COQ10B: variants seen among roughly 807,000 people sequenced by gnomAD.
COQ10B encodes the protein coenzyme Q10B, also known as coenzyme Q-binding protein COQ10 homolog B, mitochondrial.
In COQ10B, 12 loss-of-function variants were observed where a neutral mutation model predicts 27.6. The observed-to-expected ratio is 0.43, with a 90% CI of 0.28 to 0.70. The LOEUF is 0.70. Ranked by LOEUF, COQ10B falls within the 30% of genes least tolerant of loss-of-function variation. The pLI is 0.17. For synonymous variants in COQ10B, 115 were observed against 103.0 expected (o/e 1.12, Z -0.71); for missense variants, 278 against 288.7 (o/e 0.96, Z 0.27).
chr2:197,457,144 C>T (rs997916729), intron 1 of COQ10B, among the ~76,000 whole-genome samples: 5 of 152,134 alleles, frequency 3.3e-5, no homozygotes, highest in African/African-American at 7.2e-5. Context: ...CTGATGCCAC[C>T]GCTGATCTGA....
rs2085783975 is a variant in COQ10B at position 197,463,525 on chromosome 2, G to A, written c.447+794G>A. 1.3e-5 allele frequency among the ~76,000 whole-genome samples: 2 copies of A among 151,234 alleles called. 1 individual carries two copies. Among genetic ancestry groups the A allele is most frequent in the South Asian group, 4.2e-4 (2 of 4,774 alleles). On this transcript the variant is annotated intron_variant, in intron 3 of 4. Coordinates refer to ENST00000263960, the MANE Select transcript of COQ10B (RefSeq NM_025147.5). ...ATATGTCATGTCAGGCAGCTGAGAT[G>A]GGAACCCAAGAAGTTGAGGCTAGAG...
At position 197,475,030 on chromosome 2, in the gene COQ10B, C is replaced by T. The variant is rs1468662510; in HGVS notation, c.*1106C>T. The T allele has an allele frequency of 6.6e-6, 1 of 152,202 alleles. No individual in the cohort carries two copies. The highest frequency in any genetic ancestry group is 1.9e-4 in the East Asian group (1 of 5,330). 9.4% of individuals were successfully genotyped at this position (152,202 alleles called of 1,614,324 possible). Reference sequence around the variant, plus strand: ...TCTATTTATTGTGTACACTCACTTTCAGTAATGTGTTTCAAACTGGTATTT... The same window carrying T: ...TCTATTTATTGTGTACACTCACTTTTAGTAATGTGTTTCAAACTGGTATTT... On this transcript the variant is annotated 3_prime_UTR_variant, in exon 5 of 5. Coordinates refer to ENST00000263960, the MANE Select transcript of COQ10B (RefSeq NM_025147.5).
chr2:197,463,033 C>T (rs1048003411), intron 3 of COQ10B, among the ~76,000 whole-genome samples: 6 of 151,872 alleles, frequency 4.0e-5, no homozygotes, highest in African/African-American at 1.5e-4. Context: ...TTTAATTTTT[C>T]AACTGTTTTA....
At chr2:197,456,408 G>C (rs1257331676) in intron 1 of COQ10B, among the ~76,000 whole-genome samples, 2 of 150,032 alleles carry the variant, frequency 1.3e-5, no homozygotes, top group African/African-American at 2.5e-5. Context: ...AGGTTGCAGT[G>C]AGCCGAGATA....
rs2085916331 is a variant in COQ10B at position 197,473,616 on chromosome 2, G to T, written c.550-141G>T. Reference sequence around the variant, plus strand: ...TGGGAGGATTGCTTGAGTCCAGGAGGTTGAGGCTGCAGTGAGCCGCAATTG... The same window carrying T: ...TGGGAGGATTGCTTGAGTCCAGGAGTTTGAGGCTGCAGTGAGCCGCAATTG... On this transcript the variant is annotated intron_variant, in intron 4 of 4. Transcript: ENST00000263960. The T allele has an allele frequency of 9.4e-6, 5 of 530,172 alleles. No individual in the cohort carries two copies. The East Asian group carries it at 1.6e-4, about 17-fold the overall frequency. The allele number at this position is 530,172 out of a possible 1,614,324, so 32.8% of individuals were successfully genotyped here.
intron 2 of COQ10B, among the ~76,000 whole-genome samples, chr2:197,460,548 T>C (rs2085745627): frequency 6.6e-6 from 1 of 152,234 alleles, no homozygotes; most frequent in African/African-American, 2.4e-5. Flanking sequence ...GGTAACTCTT[T>C]AGTATAGACT....
Position 197,474,834 on chromosome 2 carries a change from T to G in COQ10B, c.*910T>G, listed in dbSNP as rs76459267. On this transcript the variant is annotated 3_prime_UTR_variant, in exon 5 of 5. Coordinates refer to ENST00000263960, the MANE Select transcript of COQ10B (RefSeq NM_025147.5). Reference sequence around the variant, plus strand: ...ATTTTCTTCTTTTTTTTTTTTTTTTTGGTGAGTGGTCCAGAGCTTTAAGCT... The same window carrying G: ...ATTTTCTTCTTTTTTTTTTTTTTTTGGGTGAGTGGTCCAGAGCTTTAAGCT... The G allele has an allele frequency of 6.6e-6, 1 of 151,320 alleles. No homozygotes were observed. The highest frequency in any genetic ancestry group is 1.9e-4 in the East Asian group (1 of 5,322). The allele number at this position is 151,320 out of a possible 1,614,324, so 9.4% of individuals were successfully genotyped here.
rs140735351 is a variant in COQ10B at position 197,461,262 on chromosome 2, C to T, written c.254+1181C>T. Among the ~76,000 whole-genome samples the T allele has an allele frequency of 5.3e-4, 80 of 152,140 alleles. 2 individuals carry two copies. The South Asian group carries it at 8.9e-3, about 17-fold the overall frequency. On this transcript the variant is annotated intron_variant, in intron 2 of 4. Transcript: ENST00000263960. ...GTCTACTGTAGTCCAAGTAGTGACT[C>T]AGAAACCCAGGCTACATCCAACTTT...
At chr2:197,453,924 G>A in intron 1 of COQ10B, 2 of 1,533,954 alleles carry the variant, frequency 1.3e-6, no homozygotes, top group Non-Finnish European at 1.8e-6. Context: ...GAAGCAATTT[G>A]GCCATTGGTG....
Position 197,454,355 on chromosome 2 carries a change from A to G in COQ10B, c.104+691A>G. On this transcript the variant is annotated intron_variant, in intron 1 of 4. Coordinates refer to ENST00000263960, the MANE Select transcript of COQ10B (RefSeq NM_025147.5). ...TAATAACATTGTAATATTCTTGAAAATTAAAGTTAGTGTGTTTAAAATGAA... is the reference window on the plus strand; with the variant it reads ...TAATAACATTGTAATATTCTTGAAAGTTAAAGTTAGTGTGTTTAAAATGAA... The G allele has an allele frequency of 5.0e-6, 2 of 399,842 alleles. 1 individual carries two copies. Among genetic ancestry groups the G allele is most frequent in the Non-Finnish European group, 9.0e-6 (2 of 223,022 alleles). The allele number at this position is 399,842 out of a possible 1,614,324, so 24.8% of individuals were successfully genotyped here. A position where few individuals can be genotyped will look rare whatever the true frequency, so the allele number is the denominator to read the frequency against.
At position 197,462,687 on chromosome 2, in the gene COQ10B, C is replaced by A; in HGVS notation, c.403C>A (p.Arg135=). 1.3e-6 allele frequency: 2 copies of A among 1,595,094 alleles called. No homozygotes were observed. Among genetic ancestry groups the A allele is most frequent in the Admixed American group, 1.8e-5 (1 of 56,044 alleles). Reference sequence around the variant, plus strand: ...AATTGGATTTCCACCTGTGTTGGAGCGATATACATCAGTAGTAACCTTGGT... The same window carrying A: ...AATTGGATTTCCACCTGTGTTGGAGAGATATACATCAGTAGTAACCTTGGT... ...LEIGFPPVLE[R]YTSVVTLVKP... Residue 135 remains arginine (R), a synonymous_variant, in exon 3 of 5, where the codon CGA becomes AGA. Transcript: ENST00000263960.
intron 1 of COQ10B, among the ~76,000 whole-genome samples, chr2:197,458,568 A>G (rs2085724031): frequency 6.6e-6 from 1 of 152,196 alleles, no homozygotes. Flanking sequence ...AACTTAGAAT[A>G]GGAGCTCAGT....
intron 1 of COQ10B, among the ~76,000 whole-genome samples, chr2:197,456,066 C>A (rs913722126): frequency 2.0e-5 from 3 of 152,178 alleles, no homozygotes; most frequent in Admixed American, 1.3e-4. Context: ...GAAATTCTGT[C>A]ATTTGCAGCA....
chr2:197,473,018 C>T lies in COQ10B; in HGVS notation c.550-739C>T, dbSNP rs555600141. Among the ~76,000 whole-genome samples, 9 of 152,186 alleles carry T rather than the reference C, an allele frequency of 5.9e-5. No homozygotes were observed. The South Asian group carries it at 1.9e-3, about 32-fold the overall frequency. ...AAGAAGGCATAGTGATTAATGTATTCAGCAAAGGTTTTTTCCAGTCTTCTC... is the reference window on the plus strand; with the variant it reads ...AAGAAGGCATAGTGATTAATGTATTTAGCAAAGGTTTTTTCCAGTCTTCTC... On this transcript the variant is annotated intron_variant, in intron 4 of 4. Coordinates refer to ENST00000263960, the MANE Select transcript of COQ10B (RefSeq NM_025147.5).
At position 197,460,049 on chromosome 2, in the gene COQ10B, A is replaced by G; in HGVS notation, c.222A>G (p.Lys74=). The stretch of plus-strand genomic sequence containing the variant: ...AAATCACTGCACCATTAATAAACAA[A>G]AGGAAAGAATATTCAGAGAGAAGAA... ...FFKITAPLIN[K]RKEYSERRIL... The change falls in exon 2 of 5, where the codon AAA becomes AAG. Residue 74 remains lysine (K), a synonymous_variant. Transcript: ENST00000263960. The G allele has an allele frequency of 1.2e-6, 2 of 1,609,942 alleles. No homozygotes were observed. Among genetic ancestry groups the G allele is most frequent in the Non-Finnish European group, 1.7e-6 (2 of 1,177,560 alleles).
At chr2:197,466,049 G>A (rs775817331) in intron 3 of COQ10B, among the ~76,000 whole-genome samples, 11 of 152,080 alleles carry the variant, frequency 7.2e-5, no homozygotes, top group Non-Finnish European at 1.5e-4. Flanking sequence ...CCGAGATCGC[G>A]CCATTGCACT....
intron 4 of COQ10B, among the ~76,000 whole-genome samples, chr2:197,473,458 A>ATG (rs374630847): frequency 7.1e-6 from 1 of 139,930 alleles, no homozygotes; most frequent in South Asian, 2.2e-4. Context: ...ATATACATAT[A>ATG]TATATATGTA....
At chr2:197,473,443 CACATATAT>C (rs2085903940) in intron 4 of COQ10B, among the ~76,000 whole-genome samples, 1 of 93,966 alleles carries the variant, frequency 1.1e-5, no homozygotes, top group South Asian at 3.6e-4. Flanking sequence ...TATATATATA[CACATATAT>C]ACATATATAT....
rs1339409494 is a variant in COQ10B, at chr2:197,473,751, C to T, written c.550-6C>T. ...TTCTAAAATAATTTTCAATATTTTC[C>T]TACAGATTTCTTTTGAATTTCGATC... On this transcript the variant is annotated splice_polypyrimidine_tract_variant and splice_region_variant and intron_variant, in intron 4 of 4. Transcript: ENST00000263960. The T allele has an allele frequency of 2.7e-6, 4 of 1,461,998 alleles. No homozygotes were observed. The highest frequency in any genetic ancestry group is 1.4e-5 in the African/African-American group (1 of 69,176). 90.6% of individuals were successfully genotyped at this position (1,461,998 alleles called of 1,614,324 possible). A position where few individuals can be genotyped will look rare whatever the true frequency, so the allele number is the denominator to read the frequency against.
Sources: allele counts gnomAD v4.1 joint callset (sites outside exome capture counted in the v4.1 genomes callset), GRCh38; gene constraint gnomAD v4.1.1; transcripts MANE v1.5; gene names NCBI Gene and HGNC (gene_info 2026-07-23, HGNC 2026-07-21).